RAP1GDS1: variants seen among roughly 807,000 people sequenced by gnomAD.
The protein encoded by RAP1GDS1 is RAP1, GTP-GDP dissociation stimulator 1.
Under a neutral mutation model 71.1 loss-of-function variants are expected in RAP1GDS1, and 35 were observed. The ratio of observed to expected loss-of-function variants is 0.49; its 90% CI spans 0.38 to 0.65. RAP1GDS1 has a LOEUF of 0.65. RAP1GDS1 is among the 30% of genes least tolerant of loss of function. RAP1GDS1 has a pLI of 0.00. For missense variants in RAP1GDS1, 663 were observed against 706.1 expected, an observed-to-expected ratio of 0.94 and a Z score of 0.69; for synonymous variants, 229 against 243.1, an observed-to-expected ratio of 0.94 and a Z score of 0.54.
chr4:98,327,532 A>G (rs1402070596), intron 2 of RAP1GDS1, among the ~76,000 whole-genome samples: 1 of 152,024 alleles, frequency 6.6e-6, no homozygotes, highest in African/African-American at 2.4e-5. Flanking sequence ...TGAGAACCCT[A>G]TTTTCATAGC....
intron 2 of RAP1GDS1, among the ~76,000 whole-genome samples, chr4:98,313,057 A>G (rs1207511074): frequency 7.2e-6 from 1 of 138,102 alleles, no homozygotes; most frequent in Admixed American, 7.5e-5. Context: ...TGACAGAGCA[A>G]GACTCTGTCT....
At chr4:98,392,576 C>T (rs759400962) in intron 6 of RAP1GDS1, among the ~76,000 whole-genome samples, 14 of 152,110 alleles carry the variant, frequency 9.2e-5, no homozygotes, top group African/African-American at 3.1e-4. Context: ...TGGCTAGTGC[C>T]AGTAGTCCTA....
At chr4:98,328,694 A>T (rs1034180503) in intron 2 of RAP1GDS1, among the ~76,000 whole-genome samples, 8 of 151,978 alleles carry the variant, frequency 5.3e-5, no homozygotes, top group Non-Finnish European at 1.2e-4. Flanking sequence ...TATTTATTTA[A>T]TTTTTTGAGA....
chr4:98,389,523 TTGTA>T (rs1743283483), intron 5 of RAP1GDS1, among the ~76,000 whole-genome samples: 1 of 152,112 alleles, frequency 6.6e-6, no homozygotes, highest in African/African-American at 2.4e-5. Flanking sequence ...GGTATGTGTG[TTGTA>T]TGTGAGTATA....
intron 2 of RAP1GDS1, among the ~76,000 whole-genome samples, chr4:98,302,170 G>C (rs1431738343): frequency 6.6e-6 from 1 of 152,142 alleles, no homozygotes; most frequent in African/African-American, 2.4e-5. Context: ...CTGTGTTGCA[G>C]TTATCATTAA....
chr4:98,412,286 G>A (rs1747186430), intron 7 of RAP1GDS1, among the ~76,000 whole-genome samples: 1 of 152,144 alleles, frequency 6.6e-6, no homozygotes, highest in Admixed American at 6.5e-5. Context: ...GCCAAGGCAG[G>A]AAGATTGCTT....
At chr4:98,272,947 T>C (rs1157482317) in intron 1 of RAP1GDS1, among the ~76,000 whole-genome samples, 3 of 152,176 alleles carry the variant, frequency 2.0e-5, no homozygotes, top group African/African-American at 7.2e-5. Context: ...CCTATCGAGC[T>C]TTTTCACCTT....
chr4:98,300,148 T>C (rs1223584602), intron 2 of RAP1GDS1, among the ~76,000 whole-genome samples: 2 of 152,106 alleles, frequency 1.3e-5, no homozygotes, highest in African/African-American at 4.8e-5. Flanking sequence ...ATGATAAACT[T>C]TGTCTTATTT....
intron 2 of RAP1GDS1, among the ~76,000 whole-genome samples, chr4:98,326,740 C>G (rs967896268): frequency 6.6e-6 from 1 of 152,146 alleles, no homozygotes; most frequent in African/African-American, 2.4e-5. Flanking sequence ...ACCCTCAGCT[C>G]CACTCACTAG....
At chr4:98,360,420 A>G (rs1048124421) in intron 4 of RAP1GDS1, among the ~76,000 whole-genome samples, 6 of 150,032 alleles carry the variant, frequency 4.0e-5, no homozygotes, top group Non-Finnish European at 5.9e-5. Context: ...CCTCATTAAG[A>G]GGACTTAGGT....
intron 1 of RAP1GDS1, among the ~76,000 whole-genome samples, chr4:98,287,670 T>C (rs976259214): frequency 6.6e-6 from 1 of 152,210 alleles, no homozygotes; most frequent in Non-Finnish European, 1.5e-5. Context: ...AGAATAGTTT[T>C]TAGCTCTTTT....
Position 98,391,963 on chromosome 4 carries a change from G to T in RAP1GDS1, c.520G>T (p.Ala174Ser). The T allele has an allele frequency of 6.3e-7, 1 of 1,594,138 alleles. No individual in the cohort carries two copies. Among genetic ancestry groups the T allele is most frequent in the Non-Finnish European group, 8.5e-7 (1 of 1,171,400 alleles). Residue 174 changes from alanine to serine, a missense_variant, in exon 6 of 15, where the codon GCT (alanine) becomes TCT (serine). Coordinates refer to ENST00000408927, the MANE Select transcript of RAP1GDS1 (RefSeq NM_001100427.2). ...TTTTGTTTTTACAGATTCGCTTCAAGCTCAGCTTATCAATATGGGTGTTAT... is the reference window on the plus strand; with the variant it reads ...TTTTGTTTTTACAGATTCGCTTCAATCTCAGCTTATCAATATGGGTGTTAT... ...NYSNENDSLQ[A>S]QLINMGVIPT... is the part of the protein sequence containing the mutation.
intron 4 of RAP1GDS1, among the ~76,000 whole-genome samples, chr4:98,376,650 G>C (rs1352290698): frequency 6.6e-6 from 1 of 151,910 alleles, no homozygotes; most frequent in Non-Finnish European, 1.5e-5. Context: ...AAAGAAAAAA[G>C]CTGTATAATC....
chr4:98,439,768 T>G (rs923062996), intron 14 of RAP1GDS1, among the ~76,000 whole-genome samples: 1 of 152,248 alleles, frequency 6.6e-6, no homozygotes, highest in Admixed American at 6.5e-5. Flanking sequence ...TTTATATCTT[T>G]TATTTCCTTG....
chr4:98,291,765 A>G (rs1331482138), intron 1 of RAP1GDS1, among the ~76,000 whole-genome samples: 1 of 152,154 alleles, frequency 6.6e-6, no homozygotes. Flanking sequence ...TGTTGTTTCT[A>G]AAATAACAGG....
intron 1 of RAP1GDS1, 58 bp downstream of exon 1, chr4:98,261,627 GC>G: frequency 5.8e-6 from 9 of 1,562,084 alleles, no homozygotes; most frequent in Non-Finnish European, 7.9e-6. Context: ...TCGGCGTGCT[GC>G]AGGGTGGGAA....
chr4:98,421,103 C>T, intron 11 of RAP1GDS1, 152 bp from the exon 12 acceptor site: 1 of 760,400 alleles, frequency 1.3e-6, no homozygotes, highest in Non-Finnish European at 1.9e-6. Flanking sequence ...AGGCAAATAG[C>T]CCATCACATA....
At chr4:98,377,552 T>A (rs1160086553) in intron 4 of RAP1GDS1, among the ~76,000 whole-genome samples, 1 of 151,850 alleles carries the variant, frequency 6.6e-6, no homozygotes, top group Non-Finnish European at 1.5e-5. Context: ...AAAACTGTTT[T>A]GTTTCATTTT....
At chr4:98,365,011 A>T (rs765169396) in intron 4 of RAP1GDS1, among the ~76,000 whole-genome samples, 9 of 151,746 alleles carry the variant, frequency 5.9e-5, no homozygotes, top group Non-Finnish European at 1.3e-4. Flanking sequence ...GAGCAAGAAG[A>T]CCCTGTCTCA....
Sources: allele counts gnomAD v4.1 joint callset (sites outside exome capture counted in the v4.1 genomes callset), GRCh38; gene constraint gnomAD v4.1.1; transcripts MANE v1.5; gene names NCBI Gene and HGNC (gene_info 2026-07-23, HGNC 2026-07-21).